PXDN: variants seen among roughly 807,000 people sequenced by gnomAD.
PXDN encodes peroxidasin.
In PXDN, 77 loss-of-function variants were observed where a neutral mutation model predicts 140.3. That is an observed-to-expected ratio of 0.55 (90% CI 0.46 to 0.66). The LOEUF is 0.66. Among genes scored for constraint, PXDN ranks in the 30% least tolerant of loss-of-function variants. The probability of loss-of-function intolerance (pLI) is 0.00; values close to 1 mark genes in which losing one functional copy is unlikely to be tolerated. For missense variants in PXDN, 1,838 were observed against 2,039.5 expected (o/e 0.90, Z 1.90); for synonymous variants, 911 against 857.4 (o/e 1.06, Z -1.09).
chr2:1,730,694 C>G (rs553297090), intron 1 of PXDN, among the ~76,000 whole-genome samples: 2 of 152,272 alleles, frequency 1.3e-5, no homozygotes, highest in East Asian at 3.9e-4. Flanking sequence ...CTGCTGGCTT[C>G]CTTCTAAGCC....
chr2:1,709,599 T>A (rs1299617194), intron 1 of PXDN, among the ~76,000 whole-genome samples: 1 of 152,192 alleles, frequency 6.6e-6, no homozygotes, highest in Admixed American at 6.5e-5. Flanking sequence ...GATGCGCTCC[T>A]GACTGCGCTC....
intron 1 of PXDN, among the ~76,000 whole-genome samples, chr2:1,720,715 C>CTGCATCTCTT (rs1685026921): frequency 3.9e-5 from 3 of 76,380 alleles, no homozygotes; most frequent in South Asian, 5.6e-4. Context: ...CTTTCTCTCT[C>CTGCATCTCTT]TCTCTCTCTC....
rs1354620140 is a variant in PXDN, at chr2:1,634,320, C to T, written c.4324G>A (p.Gly1442Arg). 1.9e-6 allele frequency: 3 copies of T among 1,581,982 alleles called. No homozygotes were observed. The highest frequency in any genetic ancestry group is 1.2e-5 in the South Asian group (1 of 86,286). Residue 1442 changes from glycine (G) to arginine (R), a missense_variant, in exon 23 of 23, where the codon GGG becomes AGG. By Grantham distance (125) the Gly-to-Arg change is moderately radical. This residue lies in a region of PXDN where 850 missense variants were observed against 894.1 expected (regional missense o/e 0.95). Coordinates refer to ENST00000252804, the MANE Select transcript of PXDN (RefSeq NM_012293.3). ...DACTICECKD[G>R]QVTCFVEACP... ...GCTTCCACGAAGCAGGTGACCTGCC[C>T]GTCCTGGAGAAGAGAGACGGAGCAC...
At chr2:1,697,254 G>A (rs760257342) in intron 1 of PXDN, among the ~76,000 whole-genome samples, 7 of 152,118 alleles carry the variant, frequency 4.6e-5, no homozygotes, top group Non-Finnish European at 1.0e-4. Flanking sequence ...GTGCGTGTGA[G>A]GAGATATAGG....
At chr2:1,689,543 G>T (rs542982008) in intron 3 of PXDN, among the ~76,000 whole-genome samples, 1 of 152,278 alleles carries the variant, frequency 6.6e-6, no homozygotes, top group African/African-American at 2.4e-5. Flanking sequence ...AGCACTTTGG[G>T]AGGCCAAGGT....
chr2:1,634,709 AGG>A (rs1202893970), intron 22 of PXDN, among the ~76,000 whole-genome samples: 3 of 152,104 alleles, frequency 2.0e-5, no homozygotes, highest in African/African-American at 7.2e-5. Flanking sequence ...GACTAGAGAG[AGG>A]GGGGAAGGGA....
At chr2:1,650,033 A>G (rs555462068) in intron 16 of PXDN, among the ~76,000 whole-genome samples, 1 of 151,704 alleles carries the variant, frequency 6.6e-6, no homozygotes, top group Non-Finnish European at 1.5e-5. Flanking sequence ...CACTGTTCCA[A>G]CCTCACTTTA....
At chr2:1,702,920 C>T (rs1383315635) in intron 1 of PXDN, among the ~76,000 whole-genome samples, 2 of 150,664 alleles carry the variant, frequency 1.3e-5, no homozygotes, top group African/African-American at 4.9e-5. Flanking sequence ...TAGGGAGGCA[C>T]GAGACATCAA....
At chr2:1,643,633 T>A in intron 18 of PXDN, 57 bp from the exon 19 acceptor site, 2 of 1,580,748 alleles carry the variant, frequency 1.3e-6, no homozygotes, top group Non-Finnish European at 1.7e-6. Flanking sequence ...CACAGGTCAC[T>A]AGGAGCTGAG....
Position 1,660,317 on chromosome 2 carries a change from TG to T in PXDN, c.1837+563del, listed in dbSNP as rs995948727. On this transcript the variant is annotated intron_variant, in intron 14 of 22. Coordinates refer to ENST00000252804, the MANE Select transcript of PXDN (RefSeq NM_012293.3). The surrounding 1 kb of genome is among the most constrained non-coding windows in gnomAD (Gnocchi z 4.6). ...GCCAAGGGCCTCGGGGTGAGTGGGA[TG>T]GAAGTGGTGGCGGACCAGGATGCAA... 2.0e-5 allele frequency among the ~76,000 whole-genome samples: 3 copies of T among 151,838 alleles called. No individual in the cohort carries two copies. The highest frequency in any genetic ancestry group is 2.0e-4 in the Admixed American group (3 of 15,248).
At chr2:1,691,544 C>T (rs752404993) in intron 3 of PXDN, among the ~76,000 whole-genome samples, 4 of 152,114 alleles carry the variant, frequency 2.6e-5, no homozygotes, top group Non-Finnish European at 1.5e-5. Context: ...GCTGGCAAGG[C>T]GACCGGAAAC....
At position 1,644,671 on chromosome 2, in the gene PXDN, G is replaced by A. The variant is rs748169187; in HGVS notation, c.3690C>T (p.Pro1230=). ...GTGTGCTGAGAAGACACATCAGGGTGGGGCCCAGCCGGCTGCCAGGCACCA... is the reference window on the plus strand; with the variant it reads ...GTGTGCTGAGAAGACACATCAGGGTAGGGCCCAGCCGGCTGCCAGGCACCA... ...EDLVPGSRLG[P]TLMCLLSTQF... is the part of the protein sequence containing the mutation. The change falls in exon 18 of 23, where the codon CCC becomes CCT. Residue 1230 remains proline, a synonymous_variant. Coordinates refer to ENST00000252804, the MANE Select transcript of PXDN (RefSeq NM_012293.3). 6 of 1,606,838 alleles carry A rather than the reference G, an allele frequency of 3.7e-6. No homozygotes were observed. The East Asian group carries it at 1.3e-4, about 36-fold the overall frequency.
chr2:1,735,261 G>C (rs1478510912), intron 1 of PXDN, among the ~76,000 whole-genome samples: 1 of 152,120 alleles, frequency 6.6e-6, no homozygotes, highest in Non-Finnish European at 1.5e-5. Flanking sequence ...TTGATGTTTT[G>C]ACCCCCCCAT....
intron 14 of PXDN, among the ~76,000 whole-genome samples, chr2:1,656,861 C>T (rs1683149208): frequency 6.6e-6 from 1 of 151,724 alleles, no homozygotes; most frequent in Admixed American, 6.6e-5. Flanking sequence ...GACTTGCCCC[C>T]TCCTGACTGA....
At chr2:1,727,365 CGTAAT>C (rs1242921967) in intron 1 of PXDN, among the ~76,000 whole-genome samples, 2 of 152,224 alleles carry the variant, frequency 1.3e-5, no homozygotes, top group African/African-American at 4.8e-5. Flanking sequence ...CAAGCCGTAA[CGTAAT>C]AAGTAGCATC....
At chr2:1,670,275 G>GATCATGGA (rs1313523365) in intron 9 of PXDN, among the ~76,000 whole-genome samples, 1 of 152,334 alleles carries the variant, frequency 6.6e-6, no homozygotes, top group Admixed American at 6.5e-5. Flanking sequence ...GGTGCATTTA[G>GATCATGGA]ATCATGGAAT....
intron 10 of PXDN, 91 bp from the exon 11 acceptor site, chr2:1,665,165 G>T: frequency 1.1e-6 from 1 of 948,412 alleles, no homozygotes; most frequent in Non-Finnish European, 1.7e-6. Flanking sequence ...CTTGGCAGAC[G>T]TCTGACCATT....
chr2:1,680,079 GTA>G, intron 7 of PXDN, 112 bp downstream of exon 7: 1 of 1,306,074 alleles, frequency 7.7e-7, no homozygotes, highest in Non-Finnish European at 1.0e-6. Context: ...TGGTGTGTGT[GTA>G]AATGTGTGTG....
At chr2:1,673,378 T>C (rs1484580336) in intron 9 of PXDN, among the ~76,000 whole-genome samples, 4 of 151,934 alleles carry the variant, frequency 2.6e-5, no homozygotes, top group Non-Finnish European at 5.9e-5. Flanking sequence ...CCTCTCTCAA[T>C]GGGCTGGGCT....
Sources: allele counts gnomAD v4.1 joint callset (sites outside exome capture counted in the v4.1 genomes callset), GRCh38; gene constraint gnomAD v4.1.1; regional missense constraint gnomAD v4.1.1; non-coding constraint Gnocchi (gnomAD v3.1); transcripts MANE v1.5; gene names NCBI Gene and HGNC (gene_info 2026-07-23, HGNC 2026-07-21).